The following DGKD variants were observed in gnomAD, a reference collection of about 807,000 sequenced individuals.
The protein encoded by DGKD is DAG kinase delta.
In DGKD, 68 loss-of-function variants were observed where a neutral mutation model predicts 154.4. The observed-to-expected ratio is 0.44, with a 90% CI of 0.36 to 0.54. The LOEUF (loss-of-function observed/expected upper bound fraction) is 0.54, where lower values mean the gene tolerates loss of function less well. DGKD is among the 20% of genes least tolerant of loss of function. DGKD has a pLI of 0.00. For missense variants in DGKD, 1,343 were observed against 1,593.6 expected, an observed-to-expected ratio of 0.84 and a Z score of 2.68; for synonymous variants, 693 against 638.0, an observed-to-expected ratio of 1.09 and a Z score of -1.30.
intron 1 of DGKD, among the ~76,000 whole-genome samples, chr2:233,355,963 G>A (rs908756757): frequency 1.3e-5 from 2 of 152,224 alleles, no homozygotes; most frequent in Non-Finnish European, 2.9e-5. Context: ...ATGTGGATGT[G>A]TGTTGGAACC....
chr2:233,447,828 G>A, intron 12 of DGKD: 1 of 1,291,534 alleles, frequency 7.7e-7, no homozygotes, highest in South Asian at 1.6e-5. Flanking sequence ...GCCGTGCTGG[G>A]ATCGCAGACT....
chr2:233,377,591 AGCACATAGCCTT>A (rs1325900370), intron 1 of DGKD, among the ~76,000 whole-genome samples: 1 of 152,196 alleles, frequency 6.6e-6, no homozygotes, highest in Non-Finnish European at 1.5e-5. Context: ...AATAGTTTGT[AGCACATAGCCTT>A]GTACAAACTT....
intron 17 of DGKD, among the ~76,000 whole-genome samples, 191 bp downstream of exon 17, chr2:233,451,241 A>G (rs968596974): frequency 9.9e-5 from 15 of 151,840 alleles, no homozygotes; most frequent in Non-Finnish European, 2.2e-4. Flanking sequence ...AACAAAAAAC[A>G]AAAGCCAGAT....
At chr2:233,461,091 A>G (rs375100773) in intron 24 of DGKD, among the ~76,000 whole-genome samples, 4 of 150,674 alleles carry the variant, frequency 2.7e-5, no homozygotes, top group African/African-American at 9.8e-5. Context: ...CCCTGGAGCC[A>G]CTGTGTCCCT....
In DGKD at chr2:233,449,019, C is replaced by G; in HGVS notation, c.1615-84C>G. The G allele has an allele frequency of 1.4e-6, 2 of 1,473,528 alleles. No homozygotes were observed. The highest frequency in any genetic ancestry group is 1.8e-6 in the Non-Finnish European group (2 of 1,104,364). 91.3% of individuals were successfully genotyped at this position (1,473,528 alleles called of 1,614,324 possible). ...TCCTTTTGATCGAGTTCTAGGAAGT[C>G]TGGGTGAAATGGCCTGAGGTTCCCT... On this transcript the variant is annotated intron_variant, in intron 14 of 29. Transcript: ENST00000264057. This position sits in a 1 kb window ranked among gnomAD's most constrained non-coding sequence, Gnocchi z 5.3.
chr2:233,432,624 A>T (rs1204745410), intron 3 of DGKD, among the ~76,000 whole-genome samples: 1 of 152,244 alleles, frequency 6.6e-6, no homozygotes, highest in Non-Finnish European at 1.5e-5. Context: ...GCGCCACTGC[A>T]CACCAGCCTG....
chr2:233,450,410 C>T (rs2063237550), intron 16 of DGKD, among the ~76,000 whole-genome samples: 1 of 152,132 alleles, frequency 6.6e-6, no homozygotes, highest in African/African-American at 2.4e-5. Flanking sequence ...GTCCTGCCCT[C>T]ACTGCTTCCT....
At chr2:233,442,342 G>T (rs1383745705) in intron 10 of DGKD, 1 of 408,926 alleles carries the variant, frequency 2.4e-6, no homozygotes, top group Non-Finnish European at 4.7e-6. Context: ...GTGAGAAGGG[G>T]ACGGCAGTAT....
In DGKD at chr2:233,448,383, C is replaced by G; in HGVS notation, c.1614+8C>G. 1 of 1,612,048 alleles carries G rather than the reference C, an allele frequency of 6.2e-7. No homozygotes were observed. Among genetic ancestry groups the G allele is most frequent in the East Asian group, 2.2e-5 (1 of 44,796 alleles). The stretch of plus-strand genomic sequence containing the variant: ...GAGGTCATGGCCAAGAAGGTCTGTT[C>G]CCGTGCCCTGGGTGGGAGGGGCATT... On this transcript the variant is annotated splice_region_variant and intron_variant, in intron 14 of 29. Transcript: ENST00000264057.
At chr2:233,427,578 G>A (rs1296815877) in intron 3 of DGKD, among the ~76,000 whole-genome samples, 1 of 152,132 alleles carries the variant, frequency 6.6e-6, no homozygotes, top group Non-Finnish European at 1.5e-5. Context: ...CTAACCTCAA[G>A]TGATCTACCT....
rs770427075 is a variant in DGKD, at chr2:233,440,984, C to T, written c.1086-903C>T. Among the ~76,000 whole-genome samples the T allele has an allele frequency of 6.6e-6, 1 of 152,110 alleles. No individual in the cohort carries two copies. The highest frequency in any genetic ancestry group is 2.4e-5 in the African/African-American group (1 of 41,416). ...CTGGCCTCTGGACTGGGTTGGTGGT[C>T]GAGCTACCATTCTCCGAGTAGGGAT... is the stretch of plus-strand genomic sequence containing the variant. On this transcript the variant is annotated intron_variant, in intron 9 of 29. Coordinates refer to ENST00000264057, the MANE Select transcript of DGKD (RefSeq NM_152879.3). The surrounding 1 kb of genome is among the most constrained non-coding windows in gnomAD (Gnocchi z 4.9).
At chr2:233,427,558 T>C (rs111266216) in intron 3 of DGKD, among the ~76,000 whole-genome samples, 32 of 152,280 alleles carry the variant, frequency 2.1e-4, no homozygotes, top group African/African-American at 5.8e-4. Context: ...GCCAGGCTGG[T>C]CTCGAACTCC....
chr2:233,390,427 C>G lies in DGKD; in HGVS notation c.292C>G (p.Leu98Val), dbSNP rs1199206179. The change falls in exon 3 of 30, where the codon CTG (leucine) becomes GTG (valine). Residue 98 changes from leucine to valine, a missense_variant. Leu to Val is a conservative substitution (Grantham distance 32). Around this residue, in one of 6 missense-constraint regions of DGKD, gnomAD observed 332 missense variants for 400.1 expected, o/e 0.83. Transcript: ENST00000264057. ...AKSIIFDEVD[L>V]TDASVAESST... is the part of the protein sequence containing the mutation. The stretch of plus-strand genomic sequence containing the variant: ...GTCAATCATATTTGATGAGGTGGAT[C>G]TGACAGATGCCAGCGTAGCTGAATC... The G allele has an allele frequency of 6.2e-7, 1 of 1,614,094 alleles. No homozygotes were observed. Among genetic ancestry groups the G allele is most frequent in the Non-Finnish European group, 8.5e-7 (1 of 1,179,990 alleles).
At chr2:233,366,185 A>G (rs971634149) in intron 1 of DGKD, among the ~76,000 whole-genome samples, 1 of 152,124 alleles carries the variant, frequency 6.6e-6, no homozygotes, top group Non-Finnish European at 1.5e-5. Context: ...AGCTCTGCCT[A>G]TTTTCCCCCA....
rs957180606 is a variant in DGKD at position 233,469,711 on chromosome 2, C to T, written c.*251C>T. On this transcript the variant is annotated 3_prime_UTR_variant, in exon 30 of 30. Coordinates refer to ENST00000264057, the MANE Select transcript of DGKD (RefSeq NM_152879.3). ...CAACACTTTCTCCAGCTCAGAGTCACCTGGGGCACATGTGTCACGGCCACT... is the reference window on the plus strand; with the variant it reads ...CAACACTTTCTCCAGCTCAGAGTCATCTGGGGCACATGTGTCACGGCCACT... 20 of 505,434 alleles carry T rather than the reference C, an allele frequency of 4.0e-5. No homozygotes were observed. Among genetic ancestry groups the T allele is most frequent in the African/African-American group, 2.9e-4 (15 of 51,680 alleles). The allele number at this position is 505,434 out of a possible 1,614,324, so 31.3% of individuals were successfully genotyped here. A position where few individuals can be genotyped will look rare whatever the true frequency, so the allele number is the denominator to read the frequency against.
At chr2:233,363,239 G>A (rs1701867066) in intron 1 of DGKD, among the ~76,000 whole-genome samples, 1 of 152,140 alleles carries the variant, frequency 6.6e-6, no homozygotes, top group South Asian at 2.1e-4. Context: ...GGATGTGGAG[G>A]CGGAAGATAA....
chr2:233,456,867 G>A (rs750183364), intron 19 of DGKD, 32 bp from the exon 20 acceptor site: 1 of 1,561,868 alleles, frequency 6.4e-7, no homozygotes, highest in East Asian at 2.2e-5. Flanking sequence ...AGAAAGCCCA[G>A]ACCTATGGCA....
chr2:233,435,129 C>T (rs543070012), intron 5 of DGKD, among the ~76,000 whole-genome samples: 1 of 152,248 alleles, frequency 6.6e-6, no homozygotes, highest in East Asian at 1.9e-4. Context: ...TGGTGGGTGG[C>T]AAAAGGAGAA....
At chr2:233,431,865 T>A (rs1018372252) in intron 3 of DGKD, among the ~76,000 whole-genome samples, 1 of 152,210 alleles carries the variant, frequency 6.6e-6, no homozygotes, top group Non-Finnish European at 1.5e-5. Flanking sequence ...TATGAAACTG[T>A]GAAAACACTG....
Sources: gnomAD v4.1 joint callset for allele counts (sites outside exome capture counted in the v4.1 genomes callset) on GRCh38, gnomAD v4.1.1 for gene constraint, gnomAD v4.1.1 regional missense constraint, Gnocchi (gnomAD v3.1) non-coding constraint, MANE v1.5 for transcripts, NCBI Gene and HGNC (gene_info 2026-07-23, HGNC 2026-07-21) for gene names.